KIF26B: variants seen among roughly 807,000 people sequenced by gnomAD.
KIF26B encodes the protein kinesin family member 26B.
In KIF26B, 63 loss-of-function variants were observed where a neutral mutation model predicts 151.2. The observed-to-expected ratio is 0.42, with a 90% confidence interval of 0.34 to 0.51. The LOEUF (loss-of-function observed/expected upper bound fraction) is 0.51, where lower values mean the gene tolerates loss of function less well. Among genes scored for constraint, KIF26B ranks in the 20% least tolerant of loss-of-function variants. The pLI is 0.07. For missense variants in KIF26B, 2,813 were observed against 2,913.6 expected, an observed-to-expected ratio of 0.97 and a Z score of 0.79; for synonymous variants, 1,357 against 1,262.1, an observed-to-expected ratio of 1.08 and a Z score of -1.59.
chr1:245,369,187 G>C (rs79887092), intron 3 of KIF26B, among the ~76,000 whole-genome samples: 7 of 139,540 alleles, frequency 5.0e-5, no homozygotes, highest in African/African-American at 2.0e-4. Flanking sequence ...GAGAGAGAGA[G>C]AGAGAGAGAG....
intron 2 of KIF26B, among the ~76,000 whole-genome samples, chr1:245,245,699 G>C (rs138385627): frequency 1.3e-5 from 2 of 152,008 alleles, no homozygotes; most frequent in African/African-American, 4.8e-5. Context: ...TTGGGAGGCC[G>C]AGGCGGGTGG....
At chr1:245,454,445 A>G (rs955629184) in intron 4 of KIF26B, among the ~76,000 whole-genome samples, 10 of 152,020 alleles carry the variant, frequency 6.6e-5, no homozygotes, top group African/African-American at 1.2e-4. Flanking sequence ...GCACATCTTG[A>G]TATGTGAATG....
At chr1:245,589,582 A>C (rs2043264725) in intron 5 of KIF26B, among the ~76,000 whole-genome samples, 1 of 152,210 alleles carries the variant, frequency 6.6e-6, no homozygotes, top group South Asian at 2.1e-4. Context: ...AGTTTTATAA[A>C]GAAAATGGAC....
At chr1:245,499,718 G>A (rs116652814) in intron 4 of KIF26B, among the ~76,000 whole-genome samples, 144 of 152,334 alleles carry the variant, frequency 9.5e-4, no homozygotes, top group Non-Finnish European at 1.2e-3. Flanking sequence ...TCAGTAGTGC[G>A]CATGGCACTC....
At chr1:245,496,230 A>C (rs1328340017) in intron 4 of KIF26B, among the ~76,000 whole-genome samples, 1 of 152,238 alleles carries the variant, frequency 6.6e-6, no homozygotes. Context: ...TAAATGTAGA[A>C]AAAATTTTCA....
At position 245,368,901 on chromosome 1, in the gene KIF26B, G is replaced by A. The variant is rs574136593; in HGVS notation, c.999+1534G>A. Among the ~76,000 whole-genome samples, 6 of 152,274 alleles carry A rather than the reference G, an allele frequency of 3.9e-5. 1 individual carries two copies. Among genetic ancestry groups the A allele is most frequent in the African/African-American group, 9.6e-5 (4 of 41,552 alleles). On this transcript the variant is annotated intron_variant, in intron 3 of 14. Transcript: ENST00000407071. ...TGTAATCCCAGCACTGTGGGAGGCC[G>A]AGGTGGGTGGATTGCTTGAGTACAG...
intron 4 of KIF26B, among the ~76,000 whole-genome samples, chr1:245,527,689 ACGCC>A (rs1661270939): frequency 6.6e-6 from 1 of 150,788 alleles, no homozygotes; most frequent in Non-Finnish European, 1.5e-5. Context: ...GCCTGCAACC[ACGCC>A]CGGCTAATTT....
At chr1:245,310,608 G>A (rs1018476176) in intron 2 of KIF26B, among the ~76,000 whole-genome samples, 7 of 152,194 alleles carry the variant, frequency 4.6e-5, no homozygotes, top group African/African-American at 1.7e-4. Context: ...ATGGGGGAGA[G>A]ATCTGTATTG....
At chr1:245,226,375 A>G (rs1669873848) in intron 2 of KIF26B, among the ~76,000 whole-genome samples, 1 of 152,042 alleles carries the variant, frequency 6.6e-6, no homozygotes, top group South Asian at 2.1e-4. Context: ...CTTTCCCACC[A>G]TCAAGGCATG....
At chr1:245,322,229 G>A (rs1445127726) in intron 2 of KIF26B, among the ~76,000 whole-genome samples, 1 of 152,054 alleles carries the variant, frequency 6.6e-6, no homozygotes, top group Non-Finnish European at 1.5e-5. Context: ...TGGGGGATGG[G>A]GGATAAGGGG....
At chr1:245,670,379 T>G (rs972456041) in intron 10 of KIF26B, among the ~76,000 whole-genome samples, 3 of 151,068 alleles carry the variant, frequency 2.0e-5, no homozygotes, top group Admixed American at 6.6e-5. Flanking sequence ...TTTTGAGAGA[T>G]AGTTGAGAAA....
chr1:245,286,194 TACCTGTGGATA>T (rs997337483), intron 2 of KIF26B, among the ~76,000 whole-genome samples: 1 of 151,916 alleles, frequency 6.6e-6, no homozygotes, highest in African/African-American at 2.4e-5. Flanking sequence ...TCTCTGGGGG[TACCTGTGGATA>T]ACCTGTGGCC....
chr1:245,452,562 C>T (rs1023365669), intron 4 of KIF26B, among the ~76,000 whole-genome samples: 2 of 152,070 alleles, frequency 1.3e-5, no homozygotes, highest in Admixed American at 1.3e-4. Flanking sequence ...CAGCAATATA[C>T]CAGGGTTCCA....
At chr1:245,663,612 A>G (rs928758693) in intron 10 of KIF26B, among the ~76,000 whole-genome samples, 2 of 152,118 alleles carry the variant, frequency 1.3e-5, no homozygotes, top group African/African-American at 4.8e-5. Flanking sequence ...TGGGATAAAG[A>G]TAGTTTACTC....
chr1:245,568,284 G>A (rs1159317868), intron 5 of KIF26B, among the ~76,000 whole-genome samples: 2 of 151,444 alleles, frequency 1.3e-5, no homozygotes, highest in African/African-American at 2.4e-5. Context: ...GGGAAGCCAA[G>A]GCAGCAGGAT....
At chr1:245,471,115 ATG>A (rs1553277413) in intron 4 of KIF26B, among the ~76,000 whole-genome samples, 19 of 142,470 alleles carry the variant, frequency 1.3e-4, no homozygotes, top group African/African-American at 2.1e-4. Context: ...TTTTGATAGT[ATG>A]TGTGTGTGTG....
rs922395126 is a variant in KIF26B at position 245,241,699 on chromosome 1, C to T, written c.465+85016C>T. On this transcript the variant is annotated intron_variant, in intron 2 of 14. Coordinates refer to ENST00000407071, the MANE Select transcript of KIF26B (RefSeq NM_018012.4). The surrounding 1 kb of genome is among the most constrained non-coding windows in gnomAD (Gnocchi z 5.0). ...GCTGCTATGGCGGCGGACACAGCCC[C>T]GTCCAGGGCCCATGGCAGCCCCAGC... is the stretch of plus-strand genomic sequence containing the variant. 2.0e-5 allele frequency among the ~76,000 whole-genome samples: 3 copies of T among 152,316 alleles called. No homozygotes were observed. The highest frequency in any genetic ancestry group is 2.1e-4 in the South Asian group (1 of 4,820).
In KIF26B at chr1:245,244,176, C is replaced by G. The variant is rs571940497; in HGVS notation, c.465+87493C>G. Among the ~76,000 whole-genome samples, 5 of 152,068 alleles carry G rather than the reference C, an allele frequency of 3.3e-5. No homozygotes were observed. The highest frequency in any genetic ancestry group is 6.6e-5 in the Admixed American group (1 of 15,258). ...CTTGCTATGTTACCCAGGCTGATCT[C>G]GAACTCCTGGCCTCAAGCAATCTTT... On this transcript the variant is annotated intron_variant, in intron 2 of 14. Transcript: ENST00000407071. This position sits in a 1 kb window ranked among gnomAD's most constrained non-coding sequence, Gnocchi z 4.2.
rs1558393392 is a variant in KIF26B at position 245,336,004 on chromosome 1, GA to G, written c.466-30829del. On this transcript the variant is annotated intron_variant, in intron 2 of 14. Transcript: ENST00000407071. ...AGGAGGGTCCCACGCAGGGAAAGGA[GA>G]GTCCCACGCAGGGAGAGTCCCACGC... Among the ~76,000 whole-genome samples the G allele has an allele frequency of 3.0e-3, 362 of 120,312 alleles. 20 individuals are homozygous for G. The highest frequency in any genetic ancestry group is 9.6e-3 in the East Asian group (37 of 3,844). The allele number at this position is 120,312 out of a possible 152,430, so 78.9% of individuals were successfully genotyped here.
Sources: allele counts gnomAD v4.1 joint callset (sites outside exome capture counted in the v4.1 genomes callset), GRCh38; gene constraint gnomAD v4.1.1; non-coding constraint Gnocchi (gnomAD v3.1); transcripts MANE v1.5; gene names NCBI Gene and HGNC (gene_info 2026-07-23, HGNC 2026-07-21).